The following SH3RF3 variants were observed in gnomAD, a reference collection of about 807,000 sequenced individuals.
The protein encoded by SH3RF3 is SH3 domain containing ring finger 3.
A neutral mutation model predicts 66.3 loss-of-function variants in SH3RF3; 29 were observed. That is an observed-to-expected ratio of 0.44 (90% CI 0.33 to 0.60). The LOEUF (loss-of-function observed/expected upper bound fraction) is 0.60, where lower values mean the gene tolerates loss of function less well. Among genes scored for constraint, SH3RF3 ranks in the 20% least tolerant of loss-of-function variants. The pLI is 0.04. For synonymous variants in SH3RF3, 583 were observed against 532.0 expected (o/e 1.10, Z -1.32); for missense variants, 1,194 against 1,190.9 (o/e 1.00, Z -0.04).
intron 1 of SH3RF3, among the ~76,000 whole-genome samples, chr2:109,148,235 G>GT (rs1488300736): frequency 6.6e-6 from 1 of 152,242 alleles, no homozygotes; most frequent in Non-Finnish European, 1.5e-5. Flanking sequence ...ACCTTCTGCA[G>GT]TATCTGTTTT....
At chr2:109,316,005 G>T (rs1681870452) in intron 1 of SH3RF3, among the ~76,000 whole-genome samples, 1 of 152,204 alleles carries the variant, frequency 6.6e-6, no homozygotes, top group South Asian at 2.1e-4. Flanking sequence ...ATATGTGCAT[G>T]CATCAGGGGC....
chr2:109,314,355 C>T (rs1681819374), intron 1 of SH3RF3, among the ~76,000 whole-genome samples: 1 of 152,182 alleles, frequency 6.6e-6, no homozygotes, highest in Admixed American at 6.5e-5. Flanking sequence ...CAGAAAATGG[C>T]TCCGTTGAAG....
intron 1 of SH3RF3, among the ~76,000 whole-genome samples, chr2:109,237,172 T>C (rs779185552): frequency 1.2e-4 from 19 of 152,200 alleles, no homozygotes; most frequent in Admixed American, 2.0e-4. Flanking sequence ...ATTTGTAATA[T>C]ATGAACACTC....
Position 109,173,690 on chromosome 2 carries a change from G to T in SH3RF3, c.573+43577G>T, listed in dbSNP as rs536069984. Among the ~76,000 whole-genome samples the T allele has an allele frequency of 2.6e-5, 4 of 152,294 alleles. No homozygotes were observed. In the South Asian group the frequency reaches 8.3e-4, roughly 32 times the overall value. On this transcript the variant is annotated intron_variant, in intron 1 of 9. Transcript: ENST00000309415. ...GAGCAGGAGACCCACGGCAAAGACA[G>T]TGAATGTAAGATGGGAAATCCGCTG... is the stretch of plus-strand genomic sequence containing the variant.
intron 3 of SH3RF3, among the ~76,000 whole-genome samples, chr2:109,387,049 A>G (rs1165563824): frequency 6.6e-6 from 1 of 152,216 alleles, no homozygotes; most frequent in African/African-American, 2.4e-5. Flanking sequence ...AATTAAAATC[A>G]CCCATAATCC....
chr2:109,346,414 C>T lies in SH3RF3; in HGVS notation c.574-1260C>T, dbSNP rs114303621. Among the ~76,000 whole-genome samples, 1,239 of 152,252 alleles carry T rather than the reference C, an allele frequency of 8.1e-3. 15 individuals are homozygous for T. The highest frequency in any genetic ancestry group is 0.029 in the African/African-American group (1,185 of 41,540). ...GCTTTTGTGCTTCTATTGATTGATT[C>T]GAATACTGAAGAACTCCTTGGCATA... On this transcript the variant is annotated intron_variant, in intron 1 of 9. Coordinates refer to ENST00000309415, the MANE Select transcript of SH3RF3 (RefSeq NM_001099289.3).
rs543686002 is a variant in SH3RF3, at chr2:109,135,884, G to A, written c.573+5771G>A. ...CAAACTTCATTAAAAGGGAAAAAACGTCTAAGCCATAATCTGCTTTAAAAA... is the reference window on the plus strand; with the variant it reads ...CAAACTTCATTAAAAGGGAAAAAACATCTAAGCCATAATCTGCTTTAAAAA... On this transcript the variant is annotated intron_variant, in intron 1 of 9. Transcript: ENST00000309415. 1.2e-4 allele frequency among the ~76,000 whole-genome samples: 19 copies of A among 152,174 alleles called. 1 individual carries two copies. In the South Asian group the frequency reaches 2.7e-3, roughly 22 times the overall value.
intron 1 of SH3RF3, among the ~76,000 whole-genome samples, chr2:109,147,489 C>A (rs1677127096): frequency 6.6e-6 from 1 of 152,192 alleles, no homozygotes; most frequent in African/African-American, 2.4e-5. Flanking sequence ...ACTTGGTCAA[C>A]AGATCTGATA....
intron 1 of SH3RF3, among the ~76,000 whole-genome samples, chr2:109,312,084 T>A (rs544204231): frequency 6.6e-6 from 1 of 152,354 alleles, no homozygotes; most frequent in East Asian, 1.9e-4. Flanking sequence ...TGTATGTGTT[T>A]TTATGGTTTC....
intron 1 of SH3RF3, among the ~76,000 whole-genome samples, chr2:109,347,157 T>C (rs922331618): frequency 1.3e-5 from 2 of 152,034 alleles, no homozygotes; most frequent in African/African-American, 4.8e-5. Context: ...AAAGAAAAAA[T>C]GGTTGGATAC....
intron 8 of SH3RF3, among the ~76,000 whole-genome samples, chr2:109,473,189 G>A (rs1678572424): frequency 6.6e-6 from 1 of 152,044 alleles, no homozygotes; most frequent in East Asian, 1.9e-4. Flanking sequence ...CCAGGGAAGC[G>A]GCTTCCTGCC....
chr2:109,471,378 G>T (rs1049323737), intron 8 of SH3RF3, among the ~76,000 whole-genome samples: 2 of 152,172 alleles, frequency 1.3e-5, no homozygotes, highest in Non-Finnish European at 2.9e-5. Context: ...GCAGGAGAGA[G>T]AAGAGAAAGT....
chr2:109,218,965 C>T (rs1029159641), intron 1 of SH3RF3, among the ~76,000 whole-genome samples: 2 of 152,210 alleles, frequency 1.3e-5, no homozygotes, highest in African/African-American at 2.4e-5. Flanking sequence ...TGTCTCTCTT[C>T]CTCACTGTTT....
At chr2:109,377,286 G>A (rs1036632934) in intron 3 of SH3RF3, among the ~76,000 whole-genome samples, 3 of 152,218 alleles carry the variant, frequency 2.0e-5, no homozygotes, top group South Asian at 2.1e-4. Flanking sequence ...TCTGTGTGGG[G>A]AGATGCTGGA....
chr2:109,313,269 A>G lies in SH3RF3; in HGVS notation c.574-34405A>G, dbSNP rs114744648. Among the ~76,000 whole-genome samples the G allele has an allele frequency of 7.2e-3, 1,097 of 152,356 alleles. 10 individuals carry two copies. Among genetic ancestry groups the G allele is most frequent in the African/African-American group, 0.025 (1,042 of 41,582 alleles). On this transcript the variant is annotated intron_variant, in intron 1 of 9. Coordinates refer to ENST00000309415, the MANE Select transcript of SH3RF3 (RefSeq NM_001099289.3). ...ATCCCTATTCCTCTTCACAAGGCCC[A>G]GGCCTTACCCCAAACCTGCTGTACA...
chr2:109,199,587 T>TCATCC (rs1558953897), intron 1 of SH3RF3, among the ~76,000 whole-genome samples: 4 of 970 alleles, frequency 4.1e-3, no homozygotes, highest in Admixed American at 0.013. Context: ...TGGAATGGAA[T>TCATCC]GGAATGGAAT....
intron 1 of SH3RF3, among the ~76,000 whole-genome samples, chr2:109,130,960 A>C (rs1676679607): frequency 1.3e-5 from 2 of 152,132 alleles, no homozygotes; most frequent in Admixed American, 1.3e-4. Flanking sequence ...TGAGAAAAGA[A>C]AGGACCCGGG....
rs1322153084 is a variant in SH3RF3, at chr2:109,502,321, T to C, written c.*650T>C. 1.3e-5 allele frequency: 2 copies of C among 152,228 alleles called. No individual in the cohort carries two copies. The highest frequency in any genetic ancestry group is 2.9e-5 in the Non-Finnish European group (2 of 68,046). 9.4% of individuals were successfully genotyped at this position (152,228 alleles called of 1,614,324 possible). ...ACCATTGTCCCTTGCATTACTTCTT[T>C]CTTACAGCATATTTTTAACATAAAG... is the stretch of plus-strand genomic sequence containing the variant. On this transcript the variant is annotated 3_prime_UTR_variant, in exon 10 of 10. Coordinates refer to ENST00000309415, the MANE Select transcript of SH3RF3 (RefSeq NM_001099289.3).
At chr2:109,386,748 A>G (rs1408111474) in intron 3 of SH3RF3, among the ~76,000 whole-genome samples, 1 of 152,206 alleles carries the variant, frequency 6.6e-6, no homozygotes, top group Non-Finnish European at 1.5e-5. Context: ...GCTGGAAACA[A>G]AACTGCCCAA....
Sources: gnomAD v4.1 joint callset for allele counts (sites outside exome capture counted in the v4.1 genomes callset) on GRCh38, gnomAD v4.1.1 for gene constraint, MANE v1.5 for transcripts, NCBI Gene and HGNC (gene_info 2026-07-23, HGNC 2026-07-21) for gene names.